Variants in SH2B2 observed in about 807,000 individuals in gnomAD.
SH2B2 encodes the protein SH2B adaptor protein 2.
Under a neutral mutation model 35.7 loss-of-function variants are expected in SH2B2, and 37 were observed. The ratio of observed to expected loss-of-function variants is 1.04; its 90% confidence interval spans 0.80 to 1.36. The LOEUF (loss-of-function observed/expected upper bound fraction) is 1.36. Ranked by LOEUF, SH2B2 falls within the 40% of genes most tolerant of loss-of-function variation. The pLI is 0.00. For missense variants in SH2B2, 852 were observed against 817.7 expected (o/e 1.04, Z -0.51); for synonymous variants, 383 against 376.4 (o/e 1.02, Z -0.20).
intron 7 of SH2B2, among the ~76,000 whole-genome samples, chr7:102,319,904 G>A (rs1038414973): frequency 1.3e-5 from 2 of 151,072 alleles, no homozygotes; most frequent in African/African-American, 2.4e-5. Context: ...GGGACAGAGG[G>A]CCAACCTCTA....
intron 3 of SH2B2, among the ~76,000 whole-genome samples, chr7:102,307,791 A>T (rs1298843248): frequency 1.4e-5 from 2 of 147,380 alleles, no homozygotes; most frequent in African/African-American, 5.0e-5. Context: ...CTTTGTTTGG[A>T]GATGGGTCCC....
At chr7:102,295,945 C>T (rs1265734694) in intron 1 of SH2B2, among the ~76,000 whole-genome samples, 2 of 152,154 alleles carry the variant, frequency 1.3e-5, no homozygotes, top group Non-Finnish European at 1.5e-5. Context: ...ACTCATTGTT[C>T]AGGCCCCCAG....
At position 102,321,652 on chromosome 7, in the gene SH2B2, G is replaced by A; in HGVS notation, c.*22G>A. The A allele has an allele frequency of 1.8e-6, 2 of 1,131,882 alleles. No homozygotes were observed. The highest frequency in any genetic ancestry group is 1.1e-6 in the Non-Finnish European group (1 of 922,138). The allele number at this position is 1,131,882 out of a possible 1,614,324, so 70.1% of individuals were successfully genotyped here. ...CTAGCCCGCGGCGCCGCCCGGGTGG[G>A]ACACGCCAAGCTCTTCAGTGAAGAC... On this transcript the variant is annotated 3_prime_UTR_variant, in exon 9 of 9. Coordinates refer to ENST00000444095, the MANE Select transcript of SH2B2 (RefSeq NM_001359228.2).
At chr7:102,293,556 G>A (rs978575895) in intron 1 of SH2B2, among the ~76,000 whole-genome samples, 1 of 151,804 alleles carries the variant, frequency 6.6e-6, no homozygotes, top group Non-Finnish European at 1.5e-5. Flanking sequence ...TGTAATGGAT[G>A]GGGGGAGGGT....
Position 102,304,243 on chromosome 7 carries a change from C to T in SH2B2, c.730-2478C>T, listed in dbSNP as rs146687523. ...TGCAGGCTCAGAAGCCATTGCCTGG[C>T]ACCTTAGATTTCCCTCTCACACAGC... is the stretch of plus-strand genomic sequence containing the variant. On this transcript the variant is annotated intron_variant, in intron 2 of 8. Transcript: ENST00000444095. Among the ~76,000 whole-genome samples the T allele has an allele frequency of 1.3e-3, 198 of 152,266 alleles. 2 individuals carry two copies. Among genetic ancestry groups the T allele is most frequent in the African/African-American group, 4.7e-3 (196 of 41,544 alleles).
In SH2B2 at chr7:102,308,778, G is replaced by T. The variant is rs1793500049; in HGVS notation, c.832-37G>T. ...TCCTGTGGTCTGGAGCCCATCTGCT[G>T]ACCGTGTTCTGCACTCCCGGCCACC... On this transcript the variant is annotated intron_variant, in intron 3 of 8. Transcript: ENST00000444095. 3.3e-6 allele frequency: 5 copies of T among 1,516,598 alleles called. No individual in the cohort carries two copies. In the East Asian group the frequency reaches 6.7e-5, roughly 20 times the overall value. 93.9% of individuals were successfully genotyped at this position (1,516,598 alleles called of 1,614,324 possible). A position where few individuals can be genotyped will look rare whatever the true frequency, so the allele number is the denominator to read the frequency against.
intron 1 of SH2B2, 44 bp downstream of exon 1, chr7:102,287,138 C>G (rs1256632131): frequency 6.6e-6 from 1 of 152,160 alleles, no homozygotes; most frequent in African/African-American, 2.4e-5. Context: ...TGGTCCTTCC[C>G]CCGGGACCCC....
chr7:102,320,212 G>A, intron 7 of SH2B2, 119 bp from the exon 8 acceptor site: 1 of 838,616 alleles, frequency 1.2e-6, no homozygotes, highest in Non-Finnish European at 1.9e-6. Flanking sequence ...GGGGCCCCCG[G>A]CCCTGACACA....
chr7:102,308,388 A>C (rs1054688441), intron 3 of SH2B2, among the ~76,000 whole-genome samples: 5 of 152,190 alleles, frequency 3.3e-5, no homozygotes, highest in Non-Finnish European at 5.9e-5. Flanking sequence ...GTAGAACTCC[A>C]GGCACTAAGA....
intron 2 of SH2B2, among the ~76,000 whole-genome samples, chr7:102,301,942 T>C (rs555425109): frequency 5.3e-5 from 8 of 152,322 alleles, no homozygotes; most frequent in African/African-American, 1.4e-4. Flanking sequence ...CATGGCTCAC[T>C]GCAGCCTTCA....
At chr7:102,305,508 C>G (rs902753870) in intron 2 of SH2B2, among the ~76,000 whole-genome samples, 1 of 152,132 alleles carries the variant, frequency 6.6e-6, no homozygotes, top group Non-Finnish European at 1.5e-5. Context: ...TCAAGTCATC[C>G]TCCTTGGCCT....
intron 2 of SH2B2, among the ~76,000 whole-genome samples, chr7:102,303,217 CAAA>C (rs549676263): frequency 7.5e-6 from 1 of 133,470 alleles, no homozygotes; most frequent in Non-Finnish European, 1.6e-5. Context: ...AACTCTGTCT[CAAA>C]AAAAAAAAAA....
Position 102,301,250 on chromosome 7 carries a change from T to G in SH2B2, c.700T>G (p.Phe234Val). ...LLRRAVAEER[F>V]RLEFFVPPKA... ...GCGCAGGGCTGTGGCCGAGGAACGC[T>G]TCCGCCTGGAGTTCTTCGTGCCGCC... Residue 234 changes from phenylalanine to valine, a missense_variant, in exon 2 of 9, where the codon TTC becomes GTC. This residue lies in a region of SH2B2 where 556 missense variants were observed against 514.5 expected (regional missense o/e 1.08). Transcript: ENST00000444095. 1 of 1,604,902 alleles carries G rather than the reference T, an allele frequency of 6.2e-7. No individual in the cohort carries two copies. The highest frequency in any genetic ancestry group is 2.3e-5 in the East Asian group (1 of 44,010).
rs1187766301 is a variant in SH2B2, at chr7:102,297,966, T to C, written c.-29-2556T>C. ...TCAGGGAAGGCTATCCGCCAAGCCA[T>C]TGGTTGAGCAGAAACCTGAAGAAGG... On this transcript the variant is annotated intron_variant, in intron 1 of 8. Transcript: ENST00000444095. This position sits in a 1 kb window ranked among gnomAD's most constrained non-coding sequence, Gnocchi z 4.3. Among the ~76,000 whole-genome samples, 4 of 152,124 alleles carry C rather than the reference T, an allele frequency of 2.6e-5. No individual in the cohort carries two copies. Among genetic ancestry groups the C allele is most frequent in the Non-Finnish European group, 4.4e-5 (3 of 68,020 alleles).
intron 3 of SH2B2, 51 bp downstream of exon 3, chr7:102,306,873 T>C: frequency 7.1e-7 from 1 of 1,410,074 alleles, no homozygotes. Flanking sequence ...CCAGGCCACC[T>C]TCCCTTTAGG....
intron 8 of SH2B2, 28 bp from the exon 9 acceptor site, chr7:102,321,271 C>A: frequency 7.4e-7 from 1 of 1,353,474 alleles, no homozygotes; most frequent in Non-Finnish European, 9.5e-7. Context: ...CAGGTCCCCA[C>A]TCACGCCCTG....
intron 1 of SH2B2, among the ~76,000 whole-genome samples, chr7:102,294,194 A>C (rs1364676667): frequency 6.6e-6 from 1 of 151,898 alleles, no homozygotes; most frequent in East Asian, 1.9e-4. Context: ...CACCTGCCTA[A>C]TTTTTGTATT....
chr7:102,285,231 T>A, upstream of SH2B2: 1 of 1,551,170 alleles, frequency 6.4e-7, no homozygotes. Flanking sequence ...ATCCCAGCAG[T>A]GGAGTTCAGC....
At chr7:102,308,017 CT>C (rs1386135255) in intron 3 of SH2B2, among the ~76,000 whole-genome samples, 1 of 152,170 alleles carries the variant, frequency 6.6e-6, no homozygotes, top group Non-Finnish European at 1.5e-5. Context: ...GAGATCTGCC[CT>C]CCTCAGCCTC....
Sources: gnomAD v4.1 joint callset for allele counts (sites outside exome capture counted in the v4.1 genomes callset) on GRCh38, gnomAD v4.1.1 for gene constraint, gnomAD v4.1.1 regional missense constraint, Gnocchi (gnomAD v3.1) non-coding constraint, MANE v1.5 for transcripts, NCBI Gene and HGNC (gene_info 2026-07-23, HGNC 2026-07-21) for gene names.